Variants in BPIFA2 observed in about 807,000 individuals in gnomAD.
BPIFA2 encodes BPI fold-containing family A member 2.
BPIFA2 carries 20 observed loss-of-function variants against 25.7 expected under a neutral mutation model. That is an observed-to-expected ratio of 0.78 (90% CI 0.55 to 1.13). BPIFA2 has a LOEUF of 1.13. Ranked by LOEUF, BPIFA2 falls within the 50% of genes most tolerant of loss-of-function variation. The pLI is 0.00. For missense variants in BPIFA2, 300 were observed against 298.1 expected, an observed-to-expected ratio of 1.01 and a Z score of -0.05; for synonymous variants, 126 against 124.3, an observed-to-expected ratio of 1.01 and a Z score of -0.09.
chr20:33,174,287 C>A, intron 4 of BPIFA2, 101 bp downstream of exon 4: 1 of 1,027,776 alleles, frequency 9.7e-7, no homozygotes, highest in Non-Finnish European at 1.5e-6. Context: ...GCTGGGTGAA[C>A]TTGGGCCTCA....
At chr20:33,162,688 C>T (rs1055596361) in intron 1 of BPIFA2, among the ~76,000 whole-genome samples, 1 of 152,196 alleles carries the variant, frequency 6.6e-6, no homozygotes, top group African/African-American at 2.4e-5. Context: ...GCCACCATTC[C>T]AGAGTCACAC....
chr20:33,172,846 T>C (rs2075985655), intron 2 of BPIFA2, 86 bp from the exon 3 acceptor site: 12 of 1,397,622 alleles, frequency 8.6e-6, no homozygotes, highest in Non-Finnish European at 1.2e-5. Flanking sequence ...TGAAATAACA[T>C]AGGCAAACAG....
chr20:33,165,213 CT>C (rs1397304710), upstream of BPIFA2, among the ~76,000 whole-genome samples: 2 of 152,326 alleles, frequency 1.3e-5, no homozygotes, highest in South Asian at 4.1e-4. Context: ...TTGCTTTGAT[CT>C]TTCTTATTTG....
At chr20:33,174,225 T>C in intron 4 of BPIFA2, 39 bp downstream of exon 4, 1 of 1,595,086 alleles carries the variant, frequency 6.3e-7, no homozygotes, top group Non-Finnish European at 8.6e-7. Context: ...GGAAAGGCAG[T>C]GCAACCTGGC....
intron 2 of BPIFA2, among the ~76,000 whole-genome samples, chr20:33,170,143 G>A (rs185082350): frequency 2.2e-4 from 33 of 152,272 alleles, no homozygotes; most frequent in African/African-American, 6.7e-4. Flanking sequence ...AGACAGAAAT[G>A]TCTAAACCAA....
chr20:33,172,865 G>A (rs865888709), intron 2 of BPIFA2, 67 bp from the exon 3 acceptor site: 59 of 1,536,112 alleles, frequency 3.8e-5, no homozygotes, highest in African/African-American at 9.8e-5. Flanking sequence ...AGTCTTACCC[G>A]GTACCTGGAG....
intron 5 of BPIFA2, among the ~76,000 whole-genome samples, chr20:33,176,381 G>A (rs952850623): frequency 9.9e-5 from 15 of 152,180 alleles, no homozygotes; most frequent in South Asian, 2.1e-4. Flanking sequence ...TGAGGGCTGG[G>A]GCTACTTGGC....
At chr20:33,179,954 ACACTTGTAATCCTAG>A (rs1256040830) in intron 7 of BPIFA2, among the ~76,000 whole-genome samples, 1 of 152,172 alleles carries the variant, frequency 6.6e-6, no homozygotes, top group Non-Finnish European at 1.5e-5. Flanking sequence ...GCAGTGGCTC[ACACTTGTAATCCTAG>A]CACTTTGCGA....
intron 6 of BPIFA2, among the ~76,000 whole-genome samples, chr20:33,179,363 G>C (rs1003918640): frequency 1.3e-5 from 2 of 151,696 alleles, no homozygotes; most frequent in African/African-American, 4.8e-5. Context: ...CTGGGAGGCG[G>C]AGGTTGCAGT....
At chr20:33,163,978 C>T (rs1983649586), upstream of BPIFA2, among the ~76,000 whole-genome samples, 1 of 152,072 alleles carries the variant, frequency 6.6e-6, no homozygotes, top group Non-Finnish European at 1.5e-5. Flanking sequence ...ATAAGACAGT[C>T]CCTGCCTCTG....
At position 33,162,676 on chromosome 20, in the gene BPIFA2, A is replaced by G. The variant is rs79733551; in HGVS notation, c.-16+778A>G. Among the ~76,000 whole-genome samples, 1,488 of 152,336 alleles carry G rather than the reference A, an allele frequency of 9.8e-3. 17 individuals carry two copies. Among genetic ancestry groups the G allele is most frequent in the African/African-American group, 0.034 (1,416 of 41,574 alleles). On this transcript the variant is annotated intron_variant, in intron 1 of 8. Transcript: ENST00000253362. ...GAGGAAATGCAGGCCCAGAGAGGCA[A>G]TGCCACCATTCCAGAGTCACACAGC...
At chr20:33,174,400 T>C (rs1207002448) in intron 4 of BPIFA2, among the ~76,000 whole-genome samples, 2 of 152,226 alleles carry the variant, frequency 1.3e-5, no homozygotes, top group Non-Finnish European at 2.9e-5. Context: ...TTAAAAACAA[T>C]GCTCCATTGA....
upstream of BPIFA2, among the ~76,000 whole-genome samples, chr20:33,164,559 C>CTCTTTCTTTCTTTCTT (rs72080740): frequency 6.6e-6 from 1 of 151,398 alleles, no homozygotes; most frequent in Non-Finnish European, 1.5e-5. Flanking sequence ...TCCCCTCTCT[C>CTCTTTCTTTCTTTCTT]TCTTTCTTTC....
At chr20:33,178,265 T>TGGTGGGGGCA (rs1240265688) in intron 6 of BPIFA2, 37 bp downstream of exon 6, 6 of 1,490,726 alleles carry the variant, frequency 4.0e-6, no homozygotes, top group Non-Finnish European at 5.6e-6. Flanking sequence ...GATCCAGGCC[T>TGGTGGGGGCA]GGTGGGGGCA....
chr20:33,168,543 T>C (rs778335978), intron 1 of BPIFA2, among the ~76,000 whole-genome samples: 18 of 152,224 alleles, frequency 1.2e-4, no homozygotes, highest in Admixed American at 5.9e-4. Flanking sequence ...GTGGTCTCCA[T>C]TGATTTGTTC....
chr20:33,164,822 C>G (rs1354029378), upstream of BPIFA2, among the ~76,000 whole-genome samples: 2 of 152,166 alleles, frequency 1.3e-5, no homozygotes, highest in Admixed American at 6.5e-5. Context: ...AGGGGAGGAC[C>G]CTGACCCGGT....
intron 4 of BPIFA2, 61 bp from the exon 5 acceptor site, chr20:33,175,346 C>A: frequency 2.0e-6 from 3 of 1,528,810 alleles, no homozygotes; most frequent in South Asian, 1.2e-5. Flanking sequence ...GTGGAGGAAC[C>A]CAACTGGGCA....
chr20:33,177,927 T>C (rs1984137270), intron 5 of BPIFA2, among the ~76,000 whole-genome samples: 1 of 152,200 alleles, frequency 6.6e-6, no homozygotes, highest in Non-Finnish European at 1.5e-5. Flanking sequence ...ATAAGGTCTC[T>C]GCGCTGAGAA....
At chr20:33,176,554 G>C (rs1443477297) in intron 5 of BPIFA2, among the ~76,000 whole-genome samples, 5 of 152,248 alleles carry the variant, frequency 3.3e-5, no homozygotes. Flanking sequence ...GAAGGCCGGG[G>C]TGTAAATTCA....
Sources: allele counts gnomAD v4.1 joint callset (sites outside exome capture counted in the v4.1 genomes callset), GRCh38; gene constraint gnomAD v4.1.1; transcripts MANE v1.5; gene names NCBI Gene and HGNC (gene_info 2026-07-23, HGNC 2026-07-21).